Variants in KIF25 observed in about 807,000 individuals in gnomAD.
The protein encoded by KIF25 is kinesin-like protein KIF25.
A neutral mutation model predicts 32.9 loss-of-function variants in KIF25; 19 were observed. The observed-to-expected ratio is 0.58, with a 90% confidence interval of 0.40 to 0.85. The LOEUF is 0.85. Among genes scored for constraint, KIF25 ranks in the 40% least tolerant of loss-of-function variants. The probability of loss-of-function intolerance (pLI) is 0.00; values close to 1 mark genes in which losing one functional copy is unlikely to be tolerated. For synonymous variants in KIF25, 225 were observed against 213.7 expected, an observed-to-expected ratio of 1.05 and a Z score of -0.46; for missense variants, 485 against 507.0, an observed-to-expected ratio of 0.96 and a Z score of 0.42.
chr6:168,023,269 C>CTT (rs34667438), intron 5 of KIF25, among the ~76,000 whole-genome samples: 6 of 111,914 alleles, frequency 5.4e-5, no homozygotes, highest in African/African-American at 1.6e-4. Flanking sequence ...TTCCTTCTTC[C>CTT]TTTTTTTTTT....
chr6:168,039,241 T>A (rs1799080910), intron 9 of KIF25, among the ~76,000 whole-genome samples: 1 of 152,170 alleles, frequency 6.6e-6, no homozygotes, highest in South Asian at 2.1e-4. Flanking sequence ...GAAGCAGACT[T>A]GTGGAGGTGA....
intron 5 of KIF25, among the ~76,000 whole-genome samples, chr6:168,019,622 C>T (rs1240842592): frequency 6.6e-6 from 1 of 152,100 alleles, no homozygotes; most frequent in Non-Finnish European, 1.5e-5. Context: ...CTGACGCAAG[C>T]CCCACAGTGC....
intron 5 of KIF25, among the ~76,000 whole-genome samples, chr6:168,024,968 A>G (rs1798839978): frequency 2.0e-5 from 3 of 152,104 alleles, no homozygotes; most frequent in South Asian, 2.1e-4. Context: ...GGAGAATCGC[A>G]TGAACCCGGG....
At chr6:168,027,544 A>C (rs568196267) in intron 5 of KIF25, among the ~76,000 whole-genome samples, 2 of 152,060 alleles carry the variant, frequency 1.3e-5, no homozygotes, top group African/African-American at 4.8e-5. Flanking sequence ...GTTATGAAGA[A>C]AAAGAATGAG....
intron 7 of KIF25, 142 bp from the exon 8 acceptor site, chr6:168,033,740 A>G (rs1241487730): frequency 5.6e-6 from 5 of 891,964 alleles, no homozygotes; most frequent in Non-Finnish European, 8.5e-6. Flanking sequence ...TAGTTAAATG[A>G]AAACCTAATT....
At chr6:168,028,424 A>G (rs1798894889) in intron 5 of KIF25, among the ~76,000 whole-genome samples, 1 of 152,116 alleles carries the variant, frequency 6.6e-6, no homozygotes, top group Non-Finnish European at 1.5e-5. Flanking sequence ...CCGTTGCCAC[A>G]TGGAGTTGTA....
At chr6:168,041,062 G>C (rs1032542341) in intron 10 of KIF25, among the ~76,000 whole-genome samples, 6 of 152,176 alleles carry the variant, frequency 3.9e-5, no homozygotes, top group African/African-American at 1.4e-4. Context: ...TGCGGCTCCG[G>C]GGACCACACC....
chr6:168,043,962 A>C (rs1233264924), intron 12 of KIF25, among the ~76,000 whole-genome samples: 8 of 152,196 alleles, frequency 5.3e-5, no homozygotes. Flanking sequence ...CCACAGGGCC[A>C]TGGGCCGTGA....
chr6:168,019,535 C>A (rs918529344), intron 5 of KIF25, among the ~76,000 whole-genome samples: 1 of 152,124 alleles, frequency 6.6e-6, no homozygotes, highest in East Asian at 1.9e-4. Context: ...CTTGAGGCCG[C>A]AGCAACAGAA....
chr6:168,007,320 G>A (rs1044427336), intron 4 of KIF25, among the ~76,000 whole-genome samples: 13 of 152,200 alleles, frequency 8.5e-5, no homozygotes, highest in African/African-American at 2.9e-4. Context: ...GCTGAGGTAG[G>A]AGATCGCTTG....
At chr6:167,999,595 G>A (rs866239104) in intron 2 of KIF25, among the ~76,000 whole-genome samples, 24 of 152,166 alleles carry the variant, frequency 1.6e-4, no homozygotes, top group African/African-American at 4.1e-4. Flanking sequence ...CCGTCTTTTC[G>A]TGGTTTGCCT....
In KIF25 at chr6:168,040,124, C is replaced by T. The variant is rs373252998; in HGVS notation, c.554C>T (p.Ala185Val). Residue 185 changes from alanine to valine, a missense_variant, in exon 10 of 13, where the codon GCG (alanine) becomes GTG (valine). Ala to Val is a moderately conservative substitution (Grantham distance 64, BLOSUM62 0). Transcript: ENST00000643607. ...GTTCATGGAGGTCTGCAGCTCAGGG[C>T]GAAGCACCCCACCCTGGTGCACGCG... Reference protein sequence around the residue: ...ELVHGGLQLRAKHPTLVHADS... With the variant: ...ELVHGGLQLRVKHPTLVHADS... The T allele has an allele frequency of 3.0e-5, 48 of 1,614,074 alleles. No homozygotes were observed. The highest frequency in any genetic ancestry group is 4.4e-5 in the South Asian group (4 of 91,080).
At chr6:168,021,346 A>G (rs989765103) in intron 5 of KIF25, among the ~76,000 whole-genome samples, 1 of 152,244 alleles carries the variant, frequency 6.6e-6, no homozygotes, top group African/African-American at 2.4e-5. Flanking sequence ...AGAAGCAGCA[A>G]GAACCGACCC....
Position 168,042,627 on chromosome 6 carries a change from T to C in KIF25, c.896T>C (p.Leu299Pro). ...MACISRSLAA[L>P]AGVLGALLEH... Reference sequence around the variant, plus strand: ...TGCATCAGCCGCAGCCTTGCGGCCCTGGCAGGCGTCCTGGGGGCTTTGTTG... The same window carrying C: ...TGCATCAGCCGCAGCCTTGCGGCCCCGGCAGGCGTCCTGGGGGCTTTGTTG... Residue 299 changes from leucine to proline, a missense_variant, in exon 12 of 13, where the codon CTG becomes CCG. This residue lies in a region of KIF25 where 480 missense variants were observed against 470.3 expected (regional missense o/e 1.02). Transcript: ENST00000643607. 3 of 1,613,944 alleles carry C rather than the reference T, an allele frequency of 1.9e-6. No homozygotes were observed. The highest frequency in any genetic ancestry group is 2.5e-6 in the Non-Finnish European group (3 of 1,180,002).
chr6:168,023,311 A>C (rs1433322035), intron 5 of KIF25, among the ~76,000 whole-genome samples: 1 of 133,442 alleles, frequency 7.5e-6, no homozygotes, highest in African/African-American at 2.9e-5. Flanking sequence ...TCTGTTGCCG[A>C]GGCTGGAGTA....
chr6:168,040,615 C>G (rs1175571079), intron 10 of KIF25, among the ~76,000 whole-genome samples: 2 of 152,036 alleles, frequency 1.3e-5, no homozygotes, highest in Admixed American at 6.6e-5. Context: ...CCTGCAGCAT[C>G]CAAGGCCTCT....
chr6:168,036,676 C>T (rs531972143), intron 8 of KIF25, among the ~76,000 whole-genome samples: 1 of 152,336 alleles, frequency 6.6e-6, no homozygotes, highest in South Asian at 2.1e-4. Flanking sequence ...AAGAGACAAA[C>T]TGACACATAA....
chr6:168,006,005 G>C (rs1046371720), intron 4 of KIF25, among the ~76,000 whole-genome samples: 1 of 152,180 alleles, frequency 6.6e-6, no homozygotes, highest in Non-Finnish European at 1.5e-5. Flanking sequence ...CGGCTCTCAT[G>C]GGAGGGTCAG....
At chr6:168,012,635 C>T (rs1798663441) in intron 4 of KIF25, among the ~76,000 whole-genome samples, 1 of 152,186 alleles carries the variant, frequency 6.6e-6, no homozygotes. Flanking sequence ...GCTTAGCTGA[C>T]CTGGGAGTGT....
Sources: allele counts gnomAD v4.1 joint callset (sites outside exome capture counted in the v4.1 genomes callset), GRCh38; gene constraint gnomAD v4.1.1; regional missense constraint gnomAD v4.1.1; transcripts MANE v1.5; gene names NCBI Gene and HGNC (gene_info 2026-07-23, HGNC 2026-07-21).